C11orf58: variants seen among roughly 807,000 people sequenced by gnomAD.
C11orf58 encodes the protein small acidic protein.
In C11orf58, 5 loss-of-function variants were observed where a neutral mutation model predicts 22.7. The ratio of observed to expected loss-of-function variants is 0.22; its 90% CI spans 0.12 to 0.46. The LOEUF is 0.46. Among genes scored for constraint, C11orf58 ranks in the 20% least tolerant of loss-of-function variants. The pLI is 0.99. For synonymous variants in C11orf58, 71 were observed against 70.7 expected (o/e 1.00, Z -0.02); for missense variants, 151 against 223.3 (o/e 0.68, Z 2.06).
At position 16,752,782 on chromosome 11, in the gene C11orf58, C is replaced by T. The variant is rs1441150720; in HGVS notation, c.209-3C>T. ...ACATAACTAAAGTATCCTGGACATGCAGGGGAAGAAGACAAGAAAATTAAT... is the reference window on the plus strand; with the variant it reads ...ACATAACTAAAGTATCCTGGACATGTAGGGGAAGAAGACAAGAAAATTAAT... On this transcript the variant is annotated splice_region_variant and splice_polypyrimidine_tract_variant and intron_variant, in intron 3 of 4. Coordinates refer to ENST00000228136, the MANE Select transcript of C11orf58 (RefSeq NM_014267.6). 5.0e-6 allele frequency: 8 copies of T among 1,590,550 alleles called. No homozygotes were observed. In the African/African-American group the frequency reaches 1.1e-4, roughly 21 times the overall value.
chr11:16,752,496 G>A (rs1430077902), intron 3 of C11orf58: 2 of 196,186 alleles, frequency 1.0e-5, no homozygotes, highest in African/African-American at 4.7e-5. Context: ...TTGTTAGAGA[G>A]TTTTTATTAG....
chr11:16,749,143 G>A (rs1463547092), intron 3 of C11orf58: 4 of 152,134 alleles, frequency 2.6e-5, no homozygotes, highest in Non-Finnish European at 5.9e-5. Context: ...AAATGAATTT[G>A]GGTATTTGGT....
intron 1 of C11orf58, among the ~76,000 whole-genome samples, chr11:16,740,738 A>ATT (rs1028810175): frequency 1.3e-5 from 2 of 149,372 alleles, no homozygotes; most frequent in African/African-American, 4.9e-5. Context: ...TAAAAAAAAA[A>ATT]TTTTTTTAAC....
At chr11:16,743,180 T>C (rs540366907) in intron 1 of C11orf58, among the ~76,000 whole-genome samples, 11 of 152,362 alleles carry the variant, frequency 7.2e-5, no homozygotes, top group African/African-American at 2.6e-4. Context: ...AATATTTTTA[T>C]TTCATTTTCC....
At chr11:16,748,051 TA>T (rs1260574572) in intron 2 of C11orf58, 45 bp from the exon 3 acceptor site, 11 of 1,454,010 alleles carry the variant, frequency 7.6e-6, no homozygotes, top group Non-Finnish European at 1.1e-5. Flanking sequence ...CCAATAAGGT[TA>T]AATTAGTGGT....
intron 1 of C11orf58, 64 bp downstream of exon 1, chr11:16,738,905 G>C: frequency 6.3e-7 from 1 of 1,596,396 alleles, no homozygotes; most frequent in Non-Finnish European, 8.6e-7. Context: ...AGGCCGGGAA[G>C]GGTGGTTGGA....
intron 4 of C11orf58, among the ~76,000 whole-genome samples, chr11:16,754,629 T>C (rs1042082369): frequency 7.6e-6 from 1 of 131,216 alleles, no homozygotes; most frequent in South Asian, 2.7e-4. Flanking sequence ...GTCTCAAACT[T>C]TGGGCCTCAA....
chr11:16,744,720 G>A, intron 2 of C11orf58, 36 bp downstream of exon 2: 23 of 1,579,976 alleles, frequency 1.5e-5, no homozygotes, highest in East Asian at 2.2e-5. Context: ...TACCTTTTCT[G>A]TGAAAATATT....
chr11:16,738,901 G>A, intron 1 of C11orf58, 60 bp downstream of exon 1: 2 of 1,598,890 alleles, frequency 1.3e-6, no homozygotes, highest in South Asian at 1.1e-5. Flanking sequence ...GAGTAGGCCG[G>A]GAAGGGTGGT....
At chr11:16,752,150 G>T in intron 3 of C11orf58, 1 of 181,148 alleles carries the variant, frequency 5.5e-6, no homozygotes, top group Non-Finnish European at 1.1e-5. Context: ...AACAAGCTCA[G>T]GGCTCCCACT....
chr11:16,748,198 C>T lies in C11orf58; in HGVS notation c.208+41C>T, dbSNP rs748524846. 3.4e-6 allele frequency: 5 copies of T among 1,481,352 alleles called. No homozygotes were observed. The South Asian group carries it at 5.7e-5, about 17-fold the overall frequency. 91.8% of individuals were successfully genotyped at this position (1,481,352 alleles called of 1,614,324 possible). ...GTAATTAAAATGGAAGTGCTAAATT[C>T]AGAATATGAAGTATGTGTTCATGTT... On this transcript the variant is annotated intron_variant, in intron 3 of 4. Transcript: ENST00000228136.
In C11orf58 at chr11:16,754,973, G is replaced by A; in HGVS notation, c.421G>A (p.Glu141Lys). The A allele has an allele frequency of 6.2e-7, 1 of 1,614,144 alleles. No individual in the cohort carries two copies. Among genetic ancestry groups the A allele is most frequent in the South Asian group, 1.1e-5 (1 of 91,080 alleles). Residue 141 changes from glutamate (E) to lysine (K), a missense_variant, in exon 5 of 5, where the codon GAG becomes AAG. Transcript: ENST00000228136. Reference sequence around the variant, plus strand: ...TCCAGATGATTCTGAAAGCGATTCAGAGTCAGAGAAAGAAGAATCTGCTGA... The same window carrying A: ...TCCAGATGATTCTGAAAGCGATTCAAAGTCAGAGAAAGAAGAATCTGCTGA... ...ESPDDSESDSESEKEESAEEL... is the reference protein window; with the variant it reads ...ESPDDSESDSKSEKEESAEEL...
At position 16,738,730 on chromosome 11, in the gene C11orf58, G is replaced by A; in HGVS notation, c.-49G>A. The A allele has an allele frequency of 4.4e-6, 7 of 1,605,262 alleles. No individual in the cohort carries two copies. Among genetic ancestry groups the A allele is most frequent in the Non-Finnish European group, 6.0e-6 (7 of 1,172,734 alleles). ...TTGTAAGCTGCTGGTTTTGCGGCTG[G>A]GAAGAGCGGCGAGAGGGTTCGGCAT... On this transcript the variant is annotated 5_prime_UTR_variant, in exon 1 of 5. Coordinates refer to ENST00000228136, the MANE Select transcript of C11orf58 (RefSeq NM_014267.6).
At chr11:16,742,362 C>T (rs1242038298) in intron 1 of C11orf58, among the ~76,000 whole-genome samples, 1 of 152,310 alleles carries the variant, frequency 6.6e-6, no homozygotes, top group South Asian at 2.1e-4. Flanking sequence ...TTTAAAAAGG[C>T]ATCTCTTTAT....
At chr11:16,739,028 C>T (rs925993237) in intron 1 of C11orf58, among the ~76,000 whole-genome samples, 187 bp downstream of exon 1, 21 of 151,974 alleles carry the variant, frequency 1.4e-4, no homozygotes, top group African/African-American at 5.1e-4. Flanking sequence ...TGAAGAGGCC[C>T]ACACGCTGAG....
intron 1 of C11orf58, among the ~76,000 whole-genome samples, chr11:16,741,024 A>G (rs1464225396): frequency 2.7e-5 from 4 of 149,874 alleles, no homozygotes; most frequent in Non-Finnish European, 5.9e-5. Flanking sequence ...TGAACCCGGG[A>G]GGCGGAGCTT....
chr11:16,744,471 C>A, intron 1 of C11orf58, 130 bp from the exon 2 acceptor site: 1 of 674,348 alleles, frequency 1.5e-6, no homozygotes, highest in Non-Finnish European at 2.6e-6. Flanking sequence ...ACTTCCTAAG[C>A]AAGAAAAATG....
rs1181145621 is a variant in C11orf58, at chr11:16,756,987, C to T, written c.*1883C>T. 1 of 151,100 alleles carries T rather than the reference C, an allele frequency of 6.6e-6. No homozygotes were observed. The highest frequency in any genetic ancestry group is 1.5e-5 in the Non-Finnish European group (1 of 67,838). 9.4% of individuals were successfully genotyped at this position (151,100 alleles called of 1,614,324 possible). A position where few individuals can be genotyped will look rare whatever the true frequency, so the allele number is the denominator to read the frequency against. On this transcript the variant is annotated 3_prime_UTR_variant, in exon 5 of 5. Coordinates refer to ENST00000228136, the MANE Select transcript of C11orf58 (RefSeq NM_014267.6). ...ACAGGTGATTTCTGGTTGATAGACT[C>T]TATCTTGCAGTATATTTATTTCATG...
chr11:16,751,191 A>T (rs1360328177), intron 3 of C11orf58: 1 of 152,214 alleles, frequency 6.6e-6, no homozygotes, highest in Non-Finnish European at 1.5e-5. Flanking sequence ...TCGTTGACAC[A>T]GAATTGGGTC....
Sources: allele counts gnomAD v4.1 joint callset (sites outside exome capture counted in the v4.1 genomes callset), GRCh38; gene constraint gnomAD v4.1.1; transcripts MANE v1.5; gene names NCBI Gene and HGNC (gene_info 2026-07-23, HGNC 2026-07-21).